Variants in FHOD3 observed in about 807,000 individuals in gnomAD.
The protein encoded by FHOD3 is formin homology 2 domain containing 3.
FHOD3 carries 90 observed loss-of-function variants against 173.0 expected under a neutral mutation model. The ratio of observed to expected loss-of-function variants is 0.52; its 90% CI spans 0.44 to 0.62. The LOEUF (loss-of-function observed/expected upper bound fraction) is 0.62, where lower values mean the gene tolerates loss of function less well. Ranked by LOEUF, FHOD3 falls within the 20% of genes least tolerant of loss-of-function variation. The pLI is 0.00. For missense variants in FHOD3, 1,945 were observed against 2,034.7 expected, an observed-to-expected ratio of 0.96 and a Z score of 0.85; for synonymous variants, 828 against 823.0, an observed-to-expected ratio of 1.01 and a Z score of -0.10.
intron 1 of FHOD3, among the ~76,000 whole-genome samples, chr18:36,354,806 CAA>C (rs879374185): frequency 5.5e-5 from 7 of 127,040 alleles, no homozygotes; most frequent in Non-Finnish European, 3.4e-5. Flanking sequence ...ACTCTGTCGC[CAA>C]AAAAAAAAAA....
intron 16 of FHOD3, among the ~76,000 whole-genome samples, chr18:36,692,300 G>A (rs866882819): frequency 2.6e-5 from 4 of 152,372 alleles, no homozygotes; most frequent in Admixed American, 1.3e-4. Context: ...GAATTGGATA[G>A]ATGCAAAGTG....
intron 18 of FHOD3, chr18:36,709,692 A>G: frequency 2.7e-6 from 1 of 365,178 alleles, no homozygotes; most frequent in Non-Finnish European, 5.0e-6. Context: ...TAAGCCCCAG[A>G]AGAGAAACCT....
At chr18:36,646,633 G>A (rs531736291) in intron 10 of FHOD3, among the ~76,000 whole-genome samples, 3 of 152,238 alleles carry the variant, frequency 2.0e-5, no homozygotes, top group African/African-American at 4.8e-5. Context: ...ATTGCGTATC[G>A]ATGTAGGGAA....
chr18:36,588,431 T>C (rs977627410), intron 6 of FHOD3, among the ~76,000 whole-genome samples: 5 of 152,240 alleles, frequency 3.3e-5, no homozygotes, highest in African/African-American at 1.2e-4. Context: ...CTTACCACTT[T>C]CGAATTCAGT....
At chr18:36,671,686 C>A (rs925739421) in intron 14 of FHOD3, among the ~76,000 whole-genome samples, 9 of 152,210 alleles carry the variant, frequency 5.9e-5, no homozygotes, top group Non-Finnish European at 8.8e-5. Flanking sequence ...TGTCCACTTG[C>A]TACAACATGT....
chr18:36,418,997 T>G (rs1568245816), intron 3 of FHOD3, among the ~76,000 whole-genome samples: 1 of 152,030 alleles, frequency 6.6e-6, no homozygotes, highest in East Asian at 1.9e-4. Context: ...AATAGTGGTC[T>G]GGGGGGAATT....
intron 6 of FHOD3, among the ~76,000 whole-genome samples, chr18:36,580,863 A>G (rs988267924): frequency 3.3e-5 from 5 of 152,216 alleles, no homozygotes; most frequent in Non-Finnish European, 7.3e-5. Context: ...CTTTTGACAA[A>G]GAGTCAGATT....
At chr18:36,715,374 C>T (rs553712584) in intron 18 of FHOD3, among the ~76,000 whole-genome samples, 24 of 152,272 alleles carry the variant, frequency 1.6e-4, no homozygotes, top group Middle Eastern at 3.4e-3. Context: ...CCCCTTCTGC[C>T]GTGATTGTAA....
intron 5 of FHOD3, among the ~76,000 whole-genome samples, chr18:36,518,220 G>A (rs2056093881): frequency 6.6e-6 from 1 of 152,168 alleles, no homozygotes; most frequent in African/African-American, 2.4e-5. Flanking sequence ...CTGAACTAAG[G>A]TTAGGTCTTT....
At chr18:36,364,367 C>CAT (rs2046785079) in intron 2 of FHOD3, among the ~76,000 whole-genome samples, 1 of 152,122 alleles carries the variant, frequency 6.6e-6, no homozygotes, top group African/African-American at 2.4e-5. Context: ...GTATCTCAGC[C>CAT]CCTAGAAAGA....
At chr18:36,723,536 T>C (rs2040897820) in intron 19 of FHOD3, among the ~76,000 whole-genome samples, 1 of 152,206 alleles carries the variant, frequency 6.6e-6, no homozygotes, top group African/African-American at 2.4e-5. Context: ...ACGGACAGTT[T>C]TGAAAATATC....
At position 36,779,819 on chromosome 18, in the gene FHOD3, GC is replaced by G; in HGVS notation, c.*293del. 4.0e-6 allele frequency: 2 copies of G among 500,896 alleles called. No homozygotes were observed. Among genetic ancestry groups the G allele is most frequent in the Non-Finnish European group, 7.0e-6 (2 of 283,904 alleles). 31.0% of individuals were successfully genotyped at this position (500,896 alleles called of 1,614,324 possible). A position where few individuals can be genotyped will look rare whatever the true frequency, so the allele number is the denominator to read the frequency against. The stretch of plus-strand genomic sequence containing the variant: ...TGACACCTTTTCTGGGCAAGGAACA[GC>G]CCCTTTAAGGAGCAAATCACTTCTG... On this transcript the variant is annotated 3_prime_UTR_variant, in exon 29 of 29. Transcript: ENST00000590592.
At chr18:36,550,731 G>A (rs536196121) in intron 5 of FHOD3, among the ~76,000 whole-genome samples, 1 of 151,662 alleles carries the variant, frequency 6.6e-6, no homozygotes, top group East Asian at 1.9e-4. Context: ...TTGCTCATTT[G>A]TATTTTTTAG....
chr18:36,626,870 A>G (rs1382183142), intron 10 of FHOD3, among the ~76,000 whole-genome samples: 1 of 152,226 alleles, frequency 6.6e-6, no homozygotes, highest in East Asian at 1.9e-4. Context: ...ACAATCTGAT[A>G]CCCATGGAAT....
intron 5 of FHOD3, among the ~76,000 whole-genome samples, chr18:36,545,310 G>C (rs995000530): frequency 6.6e-6 from 1 of 152,206 alleles, no homozygotes; most frequent in Non-Finnish European, 1.5e-5. Context: ...ATGACAGCTG[G>C]TGATAACTGC....
In FHOD3 at chr18:36,464,391, C is replaced by T. The variant is rs551369936; in HGVS notation, c.338-37541C>T. 1.9e-3 allele frequency among the ~76,000 whole-genome samples: 295 copies of T among 152,210 alleles called. 3 individuals are homozygous for T. The highest frequency in any genetic ancestry group is 6.6e-3 in the African/African-American group (276 of 41,546). On this transcript the variant is annotated intron_variant, in intron 3 of 28. Coordinates refer to ENST00000590592, the MANE Select transcript of FHOD3 (RefSeq NM_001281740.3). Reference sequence around the variant, plus strand: ...GCTTACTGCTATTTGAGATGTGCAGCGGGGCAGACCTCTGGATACTTCTAA... The same window carrying T: ...GCTTACTGCTATTTGAGATGTGCAGTGGGGCAGACCTCTGGATACTTCTAA...
chr18:36,381,350 G>A (rs1434574603), intron 3 of FHOD3, among the ~76,000 whole-genome samples: 2 of 152,220 alleles, frequency 1.3e-5, no homozygotes, highest in South Asian at 2.1e-4. Flanking sequence ...GGCTGCAGAT[G>A]CCTAGGAGAT....
intron 3 of FHOD3, among the ~76,000 whole-genome samples, chr18:36,472,193 C>T (rs771587829): frequency 6.6e-6 from 1 of 152,108 alleles, no homozygotes; most frequent in Admixed American, 6.5e-5. Context: ...TATAAACTTT[C>T]GAGTATGAAT....
At chr18:36,374,754 G>A (rs1389180294) in intron 3 of FHOD3, among the ~76,000 whole-genome samples, 1 of 152,224 alleles carries the variant, frequency 6.6e-6, no homozygotes, top group African/African-American at 2.4e-5. Context: ...CTTATTCAGA[G>A]AACTATTTGT....
Sources: allele counts gnomAD v4.1 joint callset (sites outside exome capture counted in the v4.1 genomes callset), GRCh38; gene constraint gnomAD v4.1.1; transcripts MANE v1.5; gene names NCBI Gene and HGNC (gene_info 2026-07-23, HGNC 2026-07-21).